The following CSNK1G1 variants were observed in gnomAD, a reference collection of about 807,000 sequenced individuals.
CSNK1G1 encodes casein kinase I isoform gamma-1.
In CSNK1G1, 22 loss-of-function variants were observed where a neutral mutation model predicts 59.6. The observed-to-expected ratio is 0.37, with a 90% CI of 0.26 to 0.53. CSNK1G1 has a LOEUF of 0.53. Among genes scored for constraint, CSNK1G1 ranks in the 20% least tolerant of loss-of-function variants. The pLI is 0.89. For synonymous variants in CSNK1G1, 179 were observed against 177.1 expected, an observed-to-expected ratio of 1.01 and a Z score of -0.08; for missense variants, 384 against 519.5, an observed-to-expected ratio of 0.74 and a Z score of 2.54.
At chr15:64,299,360 G>A (rs1182145888) in intron 2 of CSNK1G1, among the ~76,000 whole-genome samples, 5 of 151,944 alleles carry the variant, frequency 3.3e-5, no homozygotes, top group African/African-American at 7.2e-5. Flanking sequence ...AGGCCGAGGC[G>A]GGCGGATCAC....
intron 1 of CSNK1G1, among the ~76,000 whole-genome samples, chr15:64,306,537 G>A (rs536060169): frequency 1.3e-5 from 2 of 152,306 alleles, no homozygotes; most frequent in South Asian, 4.1e-4. Context: ...CTGCTGGTGA[G>A]AATGCAAAAT....
In CSNK1G1 at chr15:64,188,903, G is replaced by A. The variant is rs559868291; in HGVS notation, c.1108-8449C>T. ...AGCACTTTGGGAGGCCAAGGTGGGCGGATCACGAGGTCTGGAGTTCGAGAC... is the reference window on the plus strand; with the variant it reads ...AGCACTTTGGGAGGCCAAGGTGGGCAGATCACGAGGTCTGGAGTTCGAGAC... On this transcript the variant is annotated intron_variant, in intron 10 of 11. Transcript: ENST00000303052. This position sits in a 1 kb window ranked among gnomAD's most constrained non-coding sequence, Gnocchi z 4.2. 2.6e-5 allele frequency among the ~76,000 whole-genome samples: 4 copies of A among 152,248 alleles called. No homozygotes were observed. The highest frequency in any genetic ancestry group is 1.9e-4 in the East Asian group (1 of 5,178).
chr15:64,248,906 G>T (rs1891914877), intron 4 of CSNK1G1, among the ~76,000 whole-genome samples: 1 of 152,096 alleles, frequency 6.6e-6, no homozygotes, highest in African/African-American at 2.4e-5. Flanking sequence ...GGATCACGAG[G>T]TCAGGAGATC....
In CSNK1G1 at chr15:64,356,093, G is replaced by A. The variant is rs921830289; in HGVS notation, c.-330C>T. ...GCAGCGGTGGTTTCTCTCTTTCCCA[G>A]GAGCGGGAGGGAGGGGAGAAGGCGG... On this transcript the variant is annotated 5_prime_UTR_variant, in exon 1 of 12. Transcript: ENST00000303052. 4 of 152,206 alleles carry A rather than the reference G, an allele frequency of 2.6e-5. No individual in the cohort carries two copies. The highest frequency in any genetic ancestry group is 5.9e-5 in the Non-Finnish European group (4 of 68,072). 9.4% of individuals were successfully genotyped at this position (152,206 alleles called of 1,614,324 possible). A position where few individuals can be genotyped will look rare whatever the true frequency, so the allele number is the denominator to read the frequency against.
chr15:64,341,666 A>C (rs1897688392), intron 1 of CSNK1G1, among the ~76,000 whole-genome samples: 1 of 151,954 alleles, frequency 6.6e-6, no homozygotes, highest in Non-Finnish European at 1.5e-5. Flanking sequence ...ATAGAGACAG[A>C]GTCTTGCTAT....
chr15:64,312,073 G>T (rs1896025998), intron 1 of CSNK1G1, among the ~76,000 whole-genome samples: 1 of 152,126 alleles, frequency 6.6e-6, no homozygotes, highest in East Asian at 1.9e-4. Flanking sequence ...CCTCTTCAAG[G>T]AGAACTACAA....
At chr15:64,212,905 C>T (rs2082266141) in intron 6 of CSNK1G1, among the ~76,000 whole-genome samples, 1 of 151,972 alleles carries the variant, frequency 6.6e-6, no homozygotes, top group African/African-American at 2.4e-5. Flanking sequence ...ACTCGGGAGG[C>T]TGAGGCAGGA....
intron 1 of CSNK1G1, among the ~76,000 whole-genome samples, chr15:64,333,903 A>G (rs1897247120): frequency 6.6e-6 from 1 of 152,222 alleles, no homozygotes; most frequent in Admixed American, 6.5e-5. Flanking sequence ...TCATAGAACA[A>G]TTACTACTAG....
intron 4 of CSNK1G1, among the ~76,000 whole-genome samples, chr15:64,218,617 G>A (rs1052562659): frequency 2.0e-5 from 3 of 151,704 alleles, no homozygotes; most frequent in Non-Finnish European, 4.4e-5. Context: ...TCGAACTCCC[G>A]ACTTCAAGTG....
In CSNK1G1 at chr15:64,167,207, G is replaced by C. The variant is rs1440598761; in HGVS notation, c.*4724C>G. 6.6e-6 allele frequency: 1 copy of C among 152,192 alleles called. No individual in the cohort carries two copies. Among genetic ancestry groups the C allele is most frequent in the African/African-American group, 2.4e-5 (1 of 41,444 alleles). 9.4% of individuals were successfully genotyped at this position (152,192 alleles called of 1,614,324 possible). ...TGCTTGCTGGACAAAAGACTTTCAAGATTCCTTACTTGTGGCTAAAACATT... is the reference window on the plus strand; with the variant it reads ...TGCTTGCTGGACAAAAGACTTTCAACATTCCTTACTTGTGGCTAAAACATT... On this transcript the variant is annotated 3_prime_UTR_variant, in exon 12 of 12. Transcript: ENST00000303052.
intron 1 of CSNK1G1, among the ~76,000 whole-genome samples, chr15:64,311,289 G>T (rs866154421): frequency 6.6e-6 from 1 of 151,366 alleles, no homozygotes; most frequent in African/African-American, 2.4e-5. Flanking sequence ...CAGGTGATCC[G>T]CCTGCCTCAG....
At chr15:64,267,304 T>C (rs1338545505) in intron 2 of CSNK1G1, among the ~76,000 whole-genome samples, 1 of 146,542 alleles carries the variant, frequency 6.8e-6, no homozygotes, top group Non-Finnish European at 1.5e-5. Flanking sequence ...AAAACAGCAC[T>C]GGCAACAAAA....
chr15:64,259,402 T>C (rs1017670661), intron 2 of CSNK1G1, among the ~76,000 whole-genome samples, 161 bp from the exon 3 acceptor site: 1 of 152,020 alleles, frequency 6.6e-6, no homozygotes, highest in African/African-American at 2.4e-5. Flanking sequence ...TAATGAGATC[T>C]AGCAAGGCTA....
At chr15:64,267,856 T>C (rs1893068461) in intron 2 of CSNK1G1, among the ~76,000 whole-genome samples, 1 of 152,346 alleles carries the variant, frequency 6.6e-6, no homozygotes, top group South Asian at 2.1e-4. Context: ...GGCTCATGCC[T>C]GTAGTTCCAA....
chr15:64,276,712 G>A (rs564606896), intron 2 of CSNK1G1, among the ~76,000 whole-genome samples: 4 of 152,182 alleles, frequency 2.6e-5, no homozygotes, highest in African/African-American at 7.2e-5. Context: ...TTGGGAGGCC[G>A]AGGCAGGTGG....
intron 2 of CSNK1G1, among the ~76,000 whole-genome samples, chr15:64,270,526 G>A (rs761452602): frequency 3.3e-5 from 5 of 152,080 alleles, no homozygotes; most frequent in East Asian, 3.9e-4. Flanking sequence ...TTGGGAGGCC[G>A]AGATGGGCGG....
intron 4 of CSNK1G1, among the ~76,000 whole-genome samples, chr15:64,223,533 T>C (rs2082418500): frequency 6.6e-6 from 1 of 152,198 alleles, no homozygotes; most frequent in Non-Finnish European, 1.5e-5. Context: ...TCTCATCTGC[T>C]CTGGAAATAA....
intron 7 of CSNK1G1, among the ~76,000 whole-genome samples, chr15:64,206,986 C>T (rs1285869272): frequency 2.0e-5 from 3 of 152,092 alleles, no homozygotes; most frequent in African/African-American, 7.2e-5. Flanking sequence ...ACAATTTGTT[C>T]CAGAAATTCC....
chr15:64,277,732 TA>T (rs1337593479), intron 2 of CSNK1G1, among the ~76,000 whole-genome samples: 2 of 130,150 alleles, frequency 1.5e-5, no homozygotes, highest in Non-Finnish European at 3.1e-5. Context: ...TTTAATAATA[TA>T]TTAATATTGA....
Sources: allele counts gnomAD v4.1 joint callset (sites outside exome capture counted in the v4.1 genomes callset), GRCh38; gene constraint gnomAD v4.1.1; non-coding constraint Gnocchi (gnomAD v3.1); transcripts MANE v1.5; gene names NCBI Gene and HGNC (gene_info 2026-07-23, HGNC 2026-07-21).